The following BPNT2 variants were observed in gnomAD, a reference collection of about 807,000 sequenced individuals.
BPNT2 encodes Golgi-resident adenosine 3',5'-bisphosphate 3'-phosphatase.
Under a neutral mutation model 29.3 loss-of-function variants are expected in BPNT2, and 11 were observed. That is an observed-to-expected ratio of 0.38 (90% CI 0.24 to 0.62). The LOEUF is 0.62. Among genes scored for constraint, BPNT2 ranks in the 20% least tolerant of loss-of-function variants. The probability of loss-of-function intolerance (pLI) is 0.62; values close to 1 mark genes in which losing one functional copy is unlikely to be tolerated. For missense variants in BPNT2, 459 were observed against 473.4 expected, an observed-to-expected ratio of 0.97 and a Z score of 0.28; for synonymous variants, 195 against 187.7, an observed-to-expected ratio of 1.04 and a Z score of -0.32.
At chr8:56,984,242 C>T (rs953119401) in intron 1 of BPNT2, among the ~76,000 whole-genome samples, 1 of 152,142 alleles carries the variant, frequency 6.6e-6, no homozygotes, top group Non-Finnish European at 1.5e-5. Flanking sequence ...CACTGAGAAT[C>T]GGGTTAGGGA....
rs1182317676 is a variant in BPNT2 at position 56,961,900 on chromosome 8, C to A, written c.*1893G>T. On this transcript the variant is annotated 3_prime_UTR_variant, in exon 5 of 5. Transcript: ENST00000262644. ...GTTTGCTTCCCATTAAATCAGAGTT[C>A]CCATAAAACATTGAAATTAAATTCC... The A allele has an allele frequency of 6.6e-6, 1 of 152,116 alleles. No individual in the cohort carries two copies. The highest frequency in any genetic ancestry group is 1.9e-4 in the East Asian group (1 of 5,196). The allele number at this position is 152,116 out of a possible 1,614,324, so 9.4% of individuals were successfully genotyped here.
At chr8:56,980,815 C>A (rs1806227428) in intron 1 of BPNT2, among the ~76,000 whole-genome samples, 1 of 111,338 alleles carries the variant, frequency 9.0e-6, no homozygotes, top group South Asian at 2.9e-4. Flanking sequence ...TACATACATA[C>A]ATATACACAC....
chr8:56,967,547 T>A (rs935201361), intron 3 of BPNT2, among the ~76,000 whole-genome samples: 1 of 152,090 alleles, frequency 6.6e-6, no homozygotes, highest in African/African-American at 2.4e-5. Context: ...AGGACTCAGA[T>A]AACAGCAGCC....
chr8:56,981,677 A>C (rs1032336534), intron 1 of BPNT2, among the ~76,000 whole-genome samples: 1 of 152,362 alleles, frequency 6.6e-6, no homozygotes, highest in East Asian at 1.9e-4. Context: ...TTTAAGAATT[A>C]AGTTAATAAC....
At chr8:56,989,804 C>G (rs1483735238) in intron 1 of BPNT2, among the ~76,000 whole-genome samples, 1 of 152,192 alleles carries the variant, frequency 6.6e-6, no homozygotes, top group Admixed American at 6.5e-5. Flanking sequence ...TAGCCCCTAC[C>G]TACCTTTCCA....
At chr8:56,988,700 T>G (rs1309357648) in intron 1 of BPNT2, among the ~76,000 whole-genome samples, 1 of 152,238 alleles carries the variant, frequency 6.6e-6, no homozygotes, top group Non-Finnish European at 1.5e-5. Flanking sequence ...TCAGTTCAGA[T>G]GTTTCTTCAG....
chr8:56,962,716 C>T lies in BPNT2; in HGVS notation c.*1077G>A, dbSNP rs919057911. The stretch of plus-strand genomic sequence containing the variant: ...AAAGTTACTACAGAGTTTGGGTAGG[C>T]TAGATACATTTATTAATAGTAAAAG... On this transcript the variant is annotated 3_prime_UTR_variant, in exon 5 of 5. Transcript: ENST00000262644. 3 of 151,970 alleles carry T rather than the reference C, an allele frequency of 2.0e-5. No individual in the cohort carries two copies. The highest frequency in any genetic ancestry group is 7.3e-5 in the African/African-American group (3 of 41,366). 9.4% of individuals were successfully genotyped at this position (151,970 alleles called of 1,614,324 possible). A position where few individuals can be genotyped will look rare whatever the true frequency, so the allele number is the denominator to read the frequency against.
chr8:56,981,734 C>T (rs1806246936), intron 1 of BPNT2, among the ~76,000 whole-genome samples: 1 of 152,098 alleles, frequency 6.6e-6, no homozygotes, highest in Non-Finnish European at 1.5e-5. Context: ...AGACTTCTAT[C>T]ACATCATCAT....
intron 3 of BPNT2, among the ~76,000 whole-genome samples, chr8:56,968,133 T>C (rs1231885662): frequency 2.0e-5 from 3 of 152,052 alleles, no homozygotes; most frequent in Non-Finnish European, 4.4e-5. Context: ...ATATATTGAA[T>C]AAATGCCATG....
chr8:56,970,570 G>C (rs947943640), intron 3 of BPNT2, among the ~76,000 whole-genome samples: 2 of 152,130 alleles, frequency 1.3e-5, no homozygotes, highest in East Asian at 3.8e-4. Context: ...ACTGGATCTT[G>C]GTTTGAAGCA....
At chr8:56,986,579 C>G (rs189771887) in intron 1 of BPNT2, among the ~76,000 whole-genome samples, 1 of 152,168 alleles carries the variant, frequency 6.6e-6, no homozygotes, top group Non-Finnish European at 1.5e-5. Context: ...AATTGAGAAG[C>G]ATTTGTACTG....
At chr8:56,970,157 T>A (rs1476123925) in intron 3 of BPNT2, among the ~76,000 whole-genome samples, 1 of 152,200 alleles carries the variant, frequency 6.6e-6, no homozygotes, top group African/African-American at 2.4e-5. Context: ...CTCTCCAGAT[T>A]ACTTGCTAGT....
chr8:56,963,749 A>C lies in BPNT2; in HGVS notation c.*44T>G. 1 of 1,609,010 alleles carries C rather than the reference A, an allele frequency of 6.2e-7. No homozygotes were observed. The highest frequency in any genetic ancestry group is 8.5e-7 in the Non-Finnish European group (1 of 1,175,654). ...TTTGAAGCTTCCAGCATCTCAGGCTAACCATTTCAGCTGTGAAGAACTGTA... is the reference window on the plus strand; with the variant it reads ...TTTGAAGCTTCCAGCATCTCAGGCTCACCATTTCAGCTGTGAAGAACTGTA... On this transcript the variant is annotated 3_prime_UTR_variant, in exon 5 of 5. Transcript: ENST00000262644.
rs78605423 is a variant in BPNT2, at chr8:56,966,148, G to T, written c.808+43C>A. On this transcript the variant is annotated intron_variant, in intron 4 of 4. Transcript: ENST00000262644. ...AGTCTCCTAACATAGCCTTGACCAT[G>T]CCAGGAACATTCTCCAGGGACCACA... 656 of 1,602,782 alleles carry T rather than the reference G, an allele frequency of 4.1e-4. 8 individuals carry two copies. The East Asian group carries it at 0.014, about 34-fold the overall frequency.
chr8:56,971,461 AT>A (rs1212281974), intron 3 of BPNT2, among the ~76,000 whole-genome samples: 3 of 152,178 alleles, frequency 2.0e-5, no homozygotes, highest in African/African-American at 7.2e-5. Flanking sequence ...TTCAATAAAT[AT>A]TTTGGTAAGC....
intron 3 of BPNT2, among the ~76,000 whole-genome samples, chr8:56,968,108 AAAT>A (rs905841040): frequency 1.4e-4 from 21 of 152,332 alleles, no homozygotes; most frequent in South Asian, 2.1e-4. Flanking sequence ...ACATGATTAA[AAAT>A]AATAAGCAAC....
chr8:56,968,565 G>A (rs1805985839), intron 3 of BPNT2, among the ~76,000 whole-genome samples: 1 of 152,178 alleles, frequency 6.6e-6, no homozygotes, highest in African/African-American at 2.4e-5. Flanking sequence ...AGTACTCTGG[G>A]AGGCCAAGGT....
intron 3 of BPNT2, among the ~76,000 whole-genome samples, chr8:56,970,119 A>G (rs1806007246): frequency 6.6e-6 from 1 of 152,204 alleles, no homozygotes; most frequent in Non-Finnish European, 1.5e-5. Context: ...AAGGTTTAAT[A>G]AAACTGGATC....
chr8:56,981,176 T>C (rs975489015), intron 1 of BPNT2, among the ~76,000 whole-genome samples: 1 of 152,164 alleles, frequency 6.6e-6, no homozygotes, highest in African/African-American at 2.4e-5. Flanking sequence ...CATTGTCAAG[T>C]GCGCCCCTGT....
Sources: gnomAD v4.1 joint callset for allele counts (sites outside exome capture counted in the v4.1 genomes callset) on GRCh38, gnomAD v4.1.1 for gene constraint, MANE v1.5 for transcripts, NCBI Gene and HGNC (gene_info 2026-07-23, HGNC 2026-07-21) for gene names.